DZIP1L: variants seen among roughly 807,000 people sequenced by gnomAD.
DZIP1L encodes the protein cilium assembly protein DZIP1L.
In DZIP1L, 90 loss-of-function variants were observed where a neutral mutation model predicts 88.7. The ratio of observed to expected loss-of-function variants is 1.02; its 90% CI spans 0.86 to 1.21. The LOEUF (loss-of-function observed/expected upper bound fraction) is 1.21, where lower values mean the gene tolerates loss of function less well. Among genes scored for constraint, DZIP1L ranks in the 50% most tolerant of loss-of-function variants. DZIP1L has a pLI of 0.00. For missense variants in DZIP1L, 932 were observed against 955.8 expected (o/e 0.98, Z 0.33); for synonymous variants, 363 against 372.1 (o/e 0.98, Z 0.28).
intron 4 of DZIP1L, among the ~76,000 whole-genome samples, chr3:138,094,250 T>C (rs1443291372): frequency 2.6e-5 from 4 of 152,212 alleles, no homozygotes; most frequent in Admixed American, 6.5e-5. Flanking sequence ...AGACATGAAG[T>C]GAGCACATAC....
chr3:138,074,005 G>A (rs936383558), intron 11 of DZIP1L, among the ~76,000 whole-genome samples: 14 of 151,930 alleles, frequency 9.2e-5, no homozygotes, highest in Non-Finnish European at 1.8e-4. Context: ...ACAATCCATA[G>A]AAGACAAAAA....
intron 5 of DZIP1L, among the ~76,000 whole-genome samples, chr3:138,090,506 C>T (rs1232109620): frequency 6.6e-6 from 1 of 152,182 alleles, no homozygotes; most frequent in African/African-American, 2.4e-5. Flanking sequence ...CCACAATCAT[C>T]CCTGGCCCAG....
intron 5 of DZIP1L, among the ~76,000 whole-genome samples, chr3:138,091,375 T>A (rs1944214091): frequency 6.6e-6 from 1 of 151,064 alleles, no homozygotes; most frequent in Non-Finnish European, 1.5e-5. Flanking sequence ...CCCAGCACTT[T>A]GGGAGGCTGA....
chr3:138,114,264 A>C (rs2042658597), intron 1 of DZIP1L, among the ~76,000 whole-genome samples: 1 of 152,186 alleles, frequency 6.6e-6, no homozygotes, highest in African/African-American at 2.4e-5. Context: ...AGTTGAGCAA[A>C]AAACCTTTGA....
rs532765182 is a variant in DZIP1L at position 138,088,467 on chromosome 3, T to C, written c.911A>G (p.Lys304Arg). Residue 304 changes from lysine to arginine, a missense_variant, in exon 6 of 16, where the codon AAG becomes AGG. Transcript: ENST00000327532. ...ALQSHSVMESKLGSLRDEESE... is the reference protein window; with the variant it reads ...ALQSHSVMESRLGSLRDEESE... ...CTCCTCATCTCGCAGTGATCCCAGC[T>C]TGGACTCCATCACACTGTGGGACTG... is the stretch of plus-strand genomic sequence containing the variant. The C allele has an allele frequency of 1.9e-6, 3 of 1,614,018 alleles. No homozygotes were observed. Among genetic ancestry groups the C allele is most frequent in the Admixed American group, 1.7e-5 (1 of 60,008 alleles).
intron 1 of DZIP1L, among the ~76,000 whole-genome samples, chr3:138,110,236 G>C (rs529703780): frequency 6.6e-6 from 1 of 152,150 alleles, no homozygotes; most frequent in Non-Finnish European, 1.5e-5. Context: ...TCACTCATAG[G>C]TGGGAATTGA....
chr3:138,086,346 A>AG (rs766750565), intron 7 of DZIP1L, among the ~76,000 whole-genome samples: 39 of 152,022 alleles, frequency 2.6e-4, no homozygotes, highest in Non-Finnish European at 4.7e-4. Context: ...CACCAGAGTG[A>AG]GGAGCTCTAC....
At chr3:138,076,359 T>C (rs1222585978) in intron 11 of DZIP1L, among the ~76,000 whole-genome samples, 2 of 152,218 alleles carry the variant, frequency 1.3e-5, no homozygotes, top group Non-Finnish European at 2.9e-5. Flanking sequence ...TGGAGATTCC[T>C]TAAAGAGCTA....
rs1265132876 is a variant in DZIP1L at position 138,088,364 on chromosome 3, G to A, written c.999+15C>T. ...TGGCTTCCTCTGGGAAGAAAGGCAT[G>A]GAGCATCAGCTCACCTGAATTTCTG... On this transcript the variant is annotated intron_variant, in intron 6 of 15. Transcript: ENST00000327532. 6.2e-7 allele frequency: 1 copy of A among 1,604,566 alleles called. No homozygotes were observed. Among genetic ancestry groups the A allele is most frequent in the Non-Finnish European group, 8.5e-7 (1 of 1,175,968 alleles).
At chr3:138,108,386 G>A (rs922678370) in intron 1 of DZIP1L, among the ~76,000 whole-genome samples, 2 of 152,104 alleles carry the variant, frequency 1.3e-5, no homozygotes, top group Non-Finnish European at 1.5e-5. Flanking sequence ...AAGCTTTGGC[G>A]TCAGATGTTT....
At chr3:138,064,583 T>C (rs1942810391) in intron 15 of DZIP1L, 45 bp downstream of exon 15, 3 of 1,614,044 alleles carry the variant, frequency 1.9e-6, no homozygotes, top group East Asian at 4.5e-5. Flanking sequence ...CAGAGCTGGT[T>C]CTGTAGAGAA....
At chr3:138,102,080 C>T in intron 2 of DZIP1L, 1 of 1,479,922 alleles carries the variant, frequency 6.8e-7, no homozygotes, top group East Asian at 2.3e-5. Context: ...GGTACATGCT[C>T]TCAGCCTCAG....
chr3:138,108,465 T>A (rs2042556563), intron 1 of DZIP1L, among the ~76,000 whole-genome samples: 1 of 152,114 alleles, frequency 6.6e-6, no homozygotes, highest in South Asian at 2.1e-4. Context: ...TCATCTCTCC[T>A]CCTACCTTTT....
At chr3:138,102,159 G>A (rs1459012550) in intron 2 of DZIP1L, 3 of 1,378,314 alleles carry the variant, frequency 2.2e-6, no homozygotes, top group African/African-American at 2.8e-5. Context: ...CATGTCCAGG[G>A]AGTGACTGTT....
Position 138,088,441 on chromosome 3 carries a change from ACTC to A in DZIP1L, c.934_936del (p.Glu312del), listed in dbSNP as rs1245876569. 20 of 1,612,520 alleles carry A rather than the reference ACTC, an allele frequency of 1.2e-5. No homozygotes were observed. Among genetic ancestry groups the A allele is most frequent in the Admixed American group, 3.3e-5 (2 of 59,862 alleles). On this transcript the variant is annotated inframe_deletion, in exon 6 of 16. Coordinates refer to ENST00000327532, the MANE Select transcript of DZIP1L (RefSeq NM_173543.3). ...CGTGCCTGCCGAAGCCACTCCTCTG[ACTC>A]CTCATCTCGCAGTGATCCCAGCTTG...
At chr3:138,081,861 G>A (rs1263083490) in intron 8 of DZIP1L, 97 bp from the exon 9 acceptor site, 4 of 1,304,420 alleles carry the variant, frequency 3.1e-6, no homozygotes, top group African/African-American at 1.5e-5. Flanking sequence ...AGGAAGGGAT[G>A]GCTACAGATT....
chr3:138,068,923 A>C (rs2107737191), intron 12 of DZIP1L: 9 of 1,252,976 alleles, frequency 7.2e-6, no homozygotes, highest in Non-Finnish European at 8.0e-6. Context: ...CCGGATCAGC[A>C]AGTTTTTATG....
intron 1 of DZIP1L, among the ~76,000 whole-genome samples, chr3:138,104,925 C>A (rs959165936): frequency 1.3e-5 from 2 of 152,096 alleles, no homozygotes; most frequent in Non-Finnish European, 2.9e-5. Context: ...AATTATGCTA[C>A]AAACTCATAT....
intron 3 of DZIP1L, 36 bp from the exon 4 acceptor site, chr3:138,095,019 A>T: frequency 6.2e-7 from 1 of 1,613,704 alleles, no homozygotes; most frequent in South Asian, 1.1e-5. Context: ...GACCAGTTTA[A>T]GTCCAAAAAT....
Sources: gnomAD v4.1 joint callset for allele counts (sites outside exome capture counted in the v4.1 genomes callset) on GRCh38, gnomAD v4.1.1 for gene constraint, MANE v1.5 for transcripts, NCBI Gene and HGNC (gene_info 2026-07-23, HGNC 2026-07-21) for gene names.